Variants in PCSK5 observed in about 807,000 individuals in gnomAD.
The protein encoded by PCSK5 is proprotein convertase subtilisin/kexin type 5.
Under a neutral mutation model 233.2 loss-of-function variants are expected in PCSK5, and 129 were observed. That is an observed-to-expected ratio of 0.55 (90% CI 0.48 to 0.64). The LOEUF (loss-of-function observed/expected upper bound fraction) is 0.64, where lower values mean the gene tolerates loss of function less well. PCSK5 is among the 30% of genes least tolerant of loss of function. The probability of loss-of-function intolerance (pLI) is 0.00; values close to 1 mark genes in which losing one functional copy is unlikely to be tolerated. For missense variants in PCSK5, 2,076 were observed against 2,430.1 expected (o/e 0.85, Z 3.06); for synonymous variants, 825 against 879.2 (o/e 0.94, Z 1.09).
At chr9:76,089,176 C>A (rs532905814) in intron 7 of PCSK5, among the ~76,000 whole-genome samples, 6 of 152,016 alleles carry the variant, frequency 3.9e-5, no homozygotes, top group Non-Finnish European at 7.4e-5. Context: ...ATATGGAGTA[C>A]GGAATAACCA....
At chr9:76,267,516 A>G (rs1428914217) in intron 24 of PCSK5, among the ~76,000 whole-genome samples, 1 of 152,170 alleles carries the variant, frequency 6.6e-6, no homozygotes, top group Non-Finnish European at 1.5e-5. Context: ...GAGGTTCATT[A>G]GGAAGAAGAG....
intron 36 of PCSK5, among the ~76,000 whole-genome samples, 166 bp downstream of exon 36, chr9:76,351,094 T>C (rs532709479): frequency 2.3e-3 from 345 of 152,302 alleles, no homozygotes; most frequent in Non-Finnish European, 3.8e-3. Context: ...CATGGAATAA[T>C]GGTGCTACCC....
At chr9:76,338,146 G>A in intron 34 of PCSK5, 84 bp from the exon 35 acceptor site, 1 of 937,374 alleles carries the variant, frequency 1.1e-6, no homozygotes, top group Admixed American at 2.1e-5. Context: ...GCTTGTAAAT[G>A]AAACCTGACC....
At chr9:76,045,726 C>A (rs1467407323) in intron 5 of PCSK5, among the ~76,000 whole-genome samples, 2 of 152,166 alleles carry the variant, frequency 1.3e-5, no homozygotes, top group African/African-American at 4.8e-5. Flanking sequence ...AAATTAATAA[C>A]TGACTTGTTA....
intron 24 of PCSK5, among the ~76,000 whole-genome samples, chr9:76,258,141 TC>T (rs1024036272): frequency 6.6e-6 from 1 of 152,084 alleles, no homozygotes; most frequent in Admixed American, 6.5e-5. Flanking sequence ...TGGCATTATC[TC>T]CAGAGGGGTA....
At chr9:76,188,344 G>A (rs1463516069) in intron 17 of PCSK5, among the ~76,000 whole-genome samples, 9 of 152,128 alleles carry the variant, frequency 5.9e-5, no homozygotes, top group Non-Finnish European at 1.3e-4. Context: ...GGCTGTCCCC[G>A]AAGCCTAGCA....
chr9:76,017,441 A>C (rs1827996242), intron 3 of PCSK5, among the ~76,000 whole-genome samples: 1 of 152,226 alleles, frequency 6.6e-6, no homozygotes, highest in Admixed American at 6.5e-5. Flanking sequence ...TGATCATAAC[A>C]GCAACCAATT....
At chr9:75,932,249 C>A (rs1305301578) in intron 1 of PCSK5, 130 bp from the exon 2 acceptor site, 2 of 623,194 alleles carry the variant, frequency 3.2e-6, no homozygotes, top group Non-Finnish European at 5.7e-6. Flanking sequence ...TAAGCACAGC[C>A]AGCAGCTGCA....
At chr9:76,228,007 T>C (rs1825953129) in intron 21 of PCSK5, among the ~76,000 whole-genome samples, 1 of 151,492 alleles carries the variant, frequency 6.6e-6, no homozygotes, top group Admixed American at 6.6e-5. Context: ...TCTTGCTCTG[T>C]CACCCAAGTT....
chr9:75,971,819 T>C (rs1388202233), intron 2 of PCSK5, among the ~76,000 whole-genome samples: 1 of 152,122 alleles, frequency 6.6e-6, no homozygotes, highest in Non-Finnish European at 1.5e-5. Context: ...AGATTCTGGA[T>C]ATTAGCCCTT....
At chr9:76,211,641 A>T (rs1254904205) in intron 20 of PCSK5, among the ~76,000 whole-genome samples, 1 of 152,210 alleles carries the variant, frequency 6.6e-6, no homozygotes, top group Non-Finnish European at 1.5e-5. Context: ...GGAGGCCAAA[A>T]AGTTCAAGAC....
chr9:76,329,326 A>T (rs1829461553), intron 33 of PCSK5, among the ~76,000 whole-genome samples: 1 of 143,558 alleles, frequency 7.0e-6, no homozygotes, highest in Admixed American at 7.0e-5. Flanking sequence ...ATGTCCAGCC[A>T]TTTTTTTTTC....
At chr9:75,900,678 CAAAA>C (rs34003117) in intron 1 of PCSK5, among the ~76,000 whole-genome samples, 2 of 104,816 alleles carry the variant, frequency 1.9e-5, no homozygotes, top group East Asian at 3.9e-4. Flanking sequence ...GACTCTGTCT[CAAAA>C]AAAAAAAAAA....
chr9:76,040,377 C>CTCTCTCTCTCTGTCTCTCTG (rs1829058505), intron 5 of PCSK5, among the ~76,000 whole-genome samples: 1 of 59,798 alleles, frequency 1.7e-5, no homozygotes, highest in African/African-American at 8.3e-5. Flanking sequence ...CTCTCTCTCT[C>CTCTCTCTCTCTGTCTCTCTG]TCTCTCTGTC....
At chr9:76,247,391 T>C (rs903523060) in intron 24 of PCSK5, among the ~76,000 whole-genome samples, 1 of 152,174 alleles carries the variant, frequency 6.6e-6, no homozygotes, top group Admixed American at 6.5e-5. Flanking sequence ...CTGGAATGCC[T>C]GGGTTTATAT....
intron 24 of PCSK5, among the ~76,000 whole-genome samples, chr9:76,269,043 C>T (rs562465549): frequency 1.3e-5 from 2 of 152,272 alleles, no homozygotes; most frequent in African/African-American, 4.8e-5. Flanking sequence ...CAGGCAGGTA[C>T]CATGGTCAAG....
intron 10 of PCSK5, among the ~76,000 whole-genome samples, chr9:76,139,603 C>T (rs974142681): frequency 6.6e-6 from 1 of 151,852 alleles, no homozygotes; most frequent in Non-Finnish European, 1.5e-5. Context: ...CATTTGATTC[C>T]ACCTAATAAA....
chr9:76,133,496 A>G (rs2131745166), intron 9 of PCSK5, among the ~76,000 whole-genome samples: 1 of 152,148 alleles, frequency 6.6e-6, no homozygotes, highest in Non-Finnish European at 1.5e-5. Context: ...ATAACTACCC[A>G]TTGCAAATTA....
chr9:76,075,747 G>A (rs1830622177), intron 7 of PCSK5, among the ~76,000 whole-genome samples: 1 of 152,138 alleles, frequency 6.6e-6, no homozygotes, highest in Non-Finnish European at 1.5e-5. Context: ...CAGTTAGCTG[G>A]CTGAAAACCT....
Sources: allele counts gnomAD v4.1 joint callset (sites outside exome capture counted in the v4.1 genomes callset), GRCh38; gene constraint gnomAD v4.1.1; transcripts MANE v1.5; gene names NCBI Gene and HGNC (gene_info 2026-07-23, HGNC 2026-07-21).